VRK3: variants seen among roughly 807,000 people sequenced by gnomAD.
VRK3 encodes VRK serine/threonine kinase 3, also known as serine/threonine-protein kinase VRK3.
VRK3 carries 50 observed loss-of-function variants against 60.4 expected under a neutral mutation model. The ratio of observed to expected loss-of-function variants is 0.83; its 90% confidence interval spans 0.66 to 1.05. The LOEUF (loss-of-function observed/expected upper bound fraction) is 1.05. Ranked by LOEUF, VRK3 falls within the 50% of genes least tolerant of loss-of-function variation. The probability of loss-of-function intolerance (pLI) is 0.00; values close to 1 mark genes in which losing one functional copy is unlikely to be tolerated. For synonymous variants in VRK3, 246 were observed against 227.8 expected (o/e 1.08, Z -0.72); for missense variants, 549 against 585.3 (o/e 0.94, Z 0.64).
intron 8 of VRK3, 44 bp downstream of exon 8, chr19:49,995,147 G>A (rs1344953441): frequency 4.4e-6 from 7 of 1,594,958 alleles, no homozygotes; most frequent in East Asian, 2.2e-5. Context: ...ACAGGAAGAA[G>A]AGGAAAGAGG....
At chr19:49,986,265 C>T (rs1334749639) in intron 12 of VRK3, 1 of 152,586 alleles carries the variant, frequency 6.6e-6, no homozygotes, top group Non-Finnish European at 1.5e-5. Context: ...AAAAACATAA[C>T]ATTGAGTGAA....
At chr19:49,980,574 A>C (rs1182260069) in intron 13 of VRK3, among the ~76,000 whole-genome samples, 1 of 152,020 alleles carries the variant, frequency 6.6e-6, no homozygotes, top group Non-Finnish European at 1.5e-5. Context: ...AAAACTAGCC[A>C]GGTATGGTGA....
chr19:49,982,758 C>G (rs925478886), intron 12 of VRK3, among the ~76,000 whole-genome samples: 5 of 152,172 alleles, frequency 3.3e-5, no homozygotes, highest in African/African-American at 7.2e-5. Flanking sequence ...TACATACACA[C>G]ACATACACAT....
intron 3 of VRK3, among the ~76,000 whole-genome samples, chr19:50,011,971 CTT>C (rs36006212): frequency 0.23 from 31,638 of 138,996 alleles, 3,663 homozygotes; most frequent in East Asian, 0.33. Context: ...CTTGCTCATT[CTT>C]TTTTTTTTTT....
In VRK3 at chr19:49,995,834, C is replaced by T. The variant is rs139112637; in HGVS notation, c.680-559G>A. On this transcript the variant is annotated intron_variant, in intron 7 of 14. Coordinates refer to ENST00000316763, the MANE Select transcript of VRK3 (RefSeq NM_016440.4). ...CGCGATCTTGGCTCACTGCAACCTC[C>T]GCTTCCTGATTTTAAGCAATTCTCC... is the stretch of plus-strand genomic sequence containing the variant. Among the ~76,000 whole-genome samples, 97 of 152,298 alleles carry T rather than the reference C, an allele frequency of 6.4e-4. No individual in the cohort carries two copies. In the East Asian group the frequency reaches 0.012, roughly 18 times the overall value.
At chr19:50,013,384 T>C (rs1186987413) in intron 3 of VRK3, among the ~76,000 whole-genome samples, 1 of 152,214 alleles carries the variant, frequency 6.6e-6, no homozygotes, top group African/African-American at 2.4e-5. Context: ...CAATACGCAC[T>C]GTCCCCTTTT....
At chr19:50,015,710 T>G in intron 3 of VRK3, 2 of 334,990 alleles carry the variant, frequency 6.0e-6, no homozygotes, top group East Asian at 9.9e-5. Context: ...GTCCTCATCA[T>G]TTCGGATAAG....
At chr19:50,020,687 C>T (rs953629388) in intron 1 of VRK3, 40 bp from the exon 2 acceptor site, 5 of 152,364 alleles carry the variant, frequency 3.3e-5, no homozygotes, top group Admixed American at 2.0e-4. Flanking sequence ...CTCATGCTTT[C>T]ACATAGAAAT....
At chr19:50,009,972 C>CTTT (rs2076966140) in intron 3 of VRK3, among the ~76,000 whole-genome samples, 2 of 152,024 alleles carry the variant, frequency 1.3e-5, no homozygotes, top group African/African-American at 2.4e-5. Flanking sequence ...ATCTATCTTC[C>CTTT]AGTTAACTAA....
chr19:50,019,383 T>C (rs548370667), intron 2 of VRK3: 20 of 149,268 alleles, frequency 1.3e-4, no homozygotes, highest in African/African-American at 4.7e-4. Context: ...AAAATATATG[T>C]ATTTTTAAAC....
chr19:50,016,262 G>A (rs948605447), intron 2 of VRK3, 99 bp from the exon 3 acceptor site: 1 of 1,489,454 alleles, frequency 6.7e-7, no homozygotes, highest in Non-Finnish European at 9.1e-7. Context: ...AGTGGCAGGA[G>A]GCACAACCAG....
intron 12 of VRK3, chr19:49,981,713 A>C: frequency 1.0e-6 from 1 of 1,000,484 alleles, no homozygotes; most frequent in Non-Finnish European, 1.2e-6. Flanking sequence ...GATGGAAATA[A>C]AGATTTTATT....
At chr19:50,010,465 T>C (rs1042235318) in intron 3 of VRK3, among the ~76,000 whole-genome samples, 12 of 152,230 alleles carry the variant, frequency 7.9e-5, no homozygotes, top group African/African-American at 2.9e-4. Flanking sequence ...CTTTAAAGGA[T>C]GTTTTCCAAG....
chr19:50,005,703 G>A (rs1041720092), intron 5 of VRK3, among the ~76,000 whole-genome samples: 2 of 149,786 alleles, frequency 1.3e-5, no homozygotes, highest in South Asian at 2.1e-4. Flanking sequence ...AAAGGAGTGC[G>A]GCAGTGACGC....
chr19:50,014,895 A>T (rs2077050029), intron 3 of VRK3, among the ~76,000 whole-genome samples: 1 of 152,050 alleles, frequency 6.6e-6, no homozygotes, highest in Non-Finnish European at 1.5e-5. Flanking sequence ...AAGAGAGGGG[A>T]GCAGAGGGCA....
At chr19:50,001,027 CCT>C (rs1198256306) in intron 5 of VRK3, 173 bp from the exon 6 acceptor site, 12 of 606,866 alleles carry the variant, frequency 2.0e-5, no homozygotes, top group Non-Finnish European at 3.2e-5. Context: ...GCTTCTTCTT[CCT>C]CTTTCTCTCT....
intron 9 of VRK3, among the ~76,000 whole-genome samples, chr19:49,993,656 T>A (rs554521630): frequency 6.6e-6 from 1 of 152,116 alleles, no homozygotes; most frequent in South Asian, 2.1e-4. Flanking sequence ...TGCCTCGTCC[T>A]CCCAAAGTGC....
At position 49,997,557 on chromosome 19, in the gene VRK3, C is replaced by T. The variant is rs762532953; in HGVS notation, c.626G>A (p.Gly209Glu). Residue 209 changes from glycine to glutamate, a missense_variant, in exon 7 of 15, where the codon GGG (glycine) becomes GAG (glutamate). Transcript: ENST00000316763. ...KFSLKLDAKD[G>E]RLFNEQNFFQ... ...GAAGTTCTGCTCATTGAACAAGCGCCCATCCTTGGCATCCTGGTGGGGGAC... is the reference window on the plus strand; with the variant it reads ...GAAGTTCTGCTCATTGAACAAGCGCTCATCCTTGGCATCCTGGTGGGGGAC... 1.2e-6 allele frequency: 2 copies of T among 1,613,730 alleles called. No individual in the cohort carries two copies. Among genetic ancestry groups the T allele is most frequent in the South Asian group, 2.2e-5 (2 of 91,032 alleles).
intron 2 of VRK3, among the ~76,000 whole-genome samples, chr19:50,017,303 G>C (rs776354727): frequency 1.3e-5 from 2 of 152,052 alleles, no homozygotes; most frequent in Non-Finnish European, 2.9e-5. Context: ...GGCCGGGCAC[G>C]GTGGCTCGTG....
Sources: gnomAD v4.1 joint callset for allele counts (sites outside exome capture counted in the v4.1 genomes callset) on GRCh38, gnomAD v4.1.1 for gene constraint, MANE v1.5 for transcripts, NCBI Gene and HGNC (gene_info 2026-07-23, HGNC 2026-07-21) for gene names.